TRIOBP: variants seen among roughly 807,000 people sequenced by gnomAD.
TRIOBP encodes TRIO and F-actin binding protein.
Under a neutral mutation model 238.8 loss-of-function variants are expected in TRIOBP, and 169 were observed. That is an observed-to-expected ratio of 0.71 (90% CI 0.62 to 0.80). The LOEUF (loss-of-function observed/expected upper bound fraction) is 0.80, where lower values mean the gene tolerates loss of function less well. Ranked by LOEUF, TRIOBP falls within the 30% of genes least tolerant of loss-of-function variation. The pLI is 0.00. For missense variants in TRIOBP, 2,838 were observed against 3,122.6 expected (o/e 0.91, Z 2.17); for synonymous variants, 1,150 against 1,274.4 (o/e 0.90, Z 2.08).
chr22:37,742,424 G>A (rs1271102279), intron 11 of TRIOBP, among the ~76,000 whole-genome samples: 1 of 151,848 alleles, frequency 6.6e-6, no homozygotes, highest in East Asian at 1.9e-4. Flanking sequence ...CACCACACCT[G>A]GCTAATTTTT....
rs1237658020 is a variant in TRIOBP at position 37,774,511 on chromosome 22, C to A, written c.*731C>A. On this transcript the variant is annotated 3_prime_UTR_variant, in exon 24 of 24. Transcript: ENST00000644935. ...AACTTAATAAAACGTTCCAGCAGCT[C>A]TGGTGTCCTAGATGGCTGGCAGAAC... The A allele has an allele frequency of 5.2e-5, 8 of 152,386 alleles. No individual in the cohort carries two copies. The highest frequency in any genetic ancestry group is 1.9e-4 in the African/African-American group (8 of 41,578). 9.4% of individuals were successfully genotyped at this position (152,386 alleles called of 1,614,324 possible).
intron 6 of TRIOBP, among the ~76,000 whole-genome samples, chr22:37,716,845 A>G (rs1923546977): frequency 6.6e-6 from 1 of 152,222 alleles, no homozygotes; most frequent in Non-Finnish European, 1.5e-5. Context: ...GAAGGATGAG[A>G]AACCAGTTAA....
At chr22:37,718,202 G>T (rs1302604540) in intron 6 of TRIOBP, among the ~76,000 whole-genome samples, 1 of 152,192 alleles carries the variant, frequency 6.6e-6, no homozygotes, top group African/African-American at 2.4e-5. Context: ...GCGCAGCCTC[G>T]GTTCCCGCTC....
At chr22:37,719,994 C>CCT (rs1189583046) in intron 6 of TRIOBP, among the ~76,000 whole-genome samples, 1 of 12,668 alleles carries the variant, frequency 7.9e-5, no homozygotes, top group African/African-American at 1.3e-4. Flanking sequence ...CTCATCCCCC[C>CCT]CCGCCCTTTT....
At chr22:37,759,323 C>G (rs545805647) in intron 17 of TRIOBP, 59 bp downstream of exon 17, 4 of 1,536,502 alleles carry the variant, frequency 2.6e-6, no homozygotes, top group African/African-American at 2.7e-5. Flanking sequence ...GCCGTGTTAT[C>G]AGGAAACAGC....
chr22:37,756,305 T>C (rs773700370), intron 15 of TRIOBP, among the ~76,000 whole-genome samples: 2 of 151,996 alleles, frequency 1.3e-5, no homozygotes, highest in South Asian at 4.2e-4. Context: ...TACAAAAAAT[T>C]TAAAAATCAG....
At chr22:37,746,343 G>A in intron 11 of TRIOBP, 1 of 1,170,510 alleles carries the variant, frequency 8.5e-7, no homozygotes, top group Non-Finnish European at 1.1e-6. Context: ...CGGGGTTCCC[G>A]CGCCGCGGAG....
At chr22:37,704,563 A>C (rs1310852081) in intron 3 of TRIOBP, among the ~76,000 whole-genome samples, 1 of 152,058 alleles carries the variant, frequency 6.6e-6, no homozygotes, top group Admixed American at 6.6e-5. Context: ...CTAGCAAGAG[A>C]AATGCACATG....
Position 37,734,434 on chromosome 22 carries a change from C to G in TRIOBP, c.4098C>G (p.Thr1366=). 1 of 1,613,234 alleles carries G rather than the reference C, an allele frequency of 6.2e-7. No homozygotes were observed. The highest frequency in any genetic ancestry group is 8.5e-7 in the Non-Finnish European group (1 of 1,179,938). Residue 1366 remains threonine (T), a synonymous_variant, in exon 9 of 24, where the codon ACC becomes ACG. Coordinates refer to ENST00000644935, the MANE Select transcript of TRIOBP (RefSeq NM_001039141.3). ...TMLPAKQAEL[T]RRSQAEPPHP... ...TCCCTGCCAAACAGGCAGAACTGAC[C>G]CGGCGGAGCCAAGCAGAGCCCCCTC...
In TRIOBP at chr22:37,723,686, A is replaced by G; in HGVS notation, c.1130A>G (p.Asn377Ser). 2 of 1,613,540 alleles carry G rather than the reference A, an allele frequency of 1.2e-6. No homozygotes were observed. Among genetic ancestry groups the G allele is most frequent in the Non-Finnish European group, 1.7e-6 (2 of 1,179,862 alleles). Reference sequence around the variant, plus strand: ...CCTACTTGTACTCCCCAGCGGGAAAACCCCAGGACACCCTGTGTCCAGCAG... The same window carrying G: ...CCTACTTGTACTCCCCAGCGGGAAAGCCCCAGGACACCCTGTGTCCAGCAG... The part of the protein sequence containing the change: ...SFPTCTPQRE[N>S]PRTPCVQQDD... The change falls in exon 7 of 24, where the codon AAC becomes AGC. Residue 377 changes from asparagine to serine, a missense_variant. Physicochemically the swap from Asn to Ser is conservative, Grantham distance 46. Around this residue, in one of 5 missense-constraint regions of TRIOBP, gnomAD observed 535 missense variants for 537.3 expected, o/e 1.00. Coordinates refer to ENST00000644935, the MANE Select transcript of TRIOBP (RefSeq NM_001039141.3).
At chr22:37,702,547 G>C (rs573415704) in intron 3 of TRIOBP, among the ~76,000 whole-genome samples, 127 of 151,230 alleles carry the variant, frequency 8.4e-4, no homozygotes, top group Admixed American at 2.3e-3. Flanking sequence ...GCATCCTGCT[G>C]TCTCTTTGTC....
intron 4 of TRIOBP, 77 bp from the exon 5 acceptor site, chr22:37,713,129 TGTGA>T: frequency 7.7e-7 from 1 of 1,304,216 alleles, no homozygotes. Context: ...AGGCTCCCTG[TGTGA>T]GTGAGTGCAT....
At chr22:37,773,023 C>G (rs1419928266) in intron 23 of TRIOBP, among the ~76,000 whole-genome samples, 1 of 152,220 alleles carries the variant, frequency 6.6e-6, no homozygotes, top group Non-Finnish European at 1.5e-5. Context: ...ACTCAGTGCA[C>G]CCCCCTTCTT....
In TRIOBP at chr22:37,725,275, G is replaced by A. The variant is rs1440398869; in HGVS notation, c.2719G>A (p.Ala907Thr). Residue 907 changes from alanine (A) to threonine (T), a missense_variant, in exon 7 of 24, where the codon GCC (alanine) becomes ACC (threonine). Coordinates refer to ENST00000644935, the MANE Select transcript of TRIOBP (RefSeq NM_001039141.3). ...PHRTNKDIPW[A>T]SFPLRPTQSD... ...TCGTACTAACAAAGACATCCCCTGG[G>A]CCTCGTTTCCCCTCCGGCCAACTCA... The A allele has an allele frequency of 6.2e-7, 1 of 1,613,804 alleles. No individual in the cohort carries two copies.
rs1166883465 is a variant in TRIOBP, at chr22:37,734,751, C to T, written c.4415C>T (p.Ala1472Val). The T allele has an allele frequency of 5.6e-6, 9 of 1,611,266 alleles. No homozygotes were observed. Among genetic ancestry groups the T allele is most frequent in the Non-Finnish European group, 6.8e-6 (8 of 1,179,310 alleles). The change falls in exon 9 of 24, where the codon GCC (alanine) becomes GTC (valine). Residue 1472 changes from alanine (A) to valine (V), a missense_variant. Ala to Val is a moderately conservative substitution (Grantham distance 64, BLOSUM62 0). This residue lies in a region of TRIOBP where 2,096 missense variants were observed against 2,137.4 expected (regional missense o/e 0.98). Transcript: ENST00000644935. ...CGEPSLGAAK[A>V]PEGAWGGTSR... ...GAGCCCAGCCTGGGGGCAGCCAAAGCCCCGGAGGGAGCATGGGGGGGCACT... is the reference window on the plus strand; with the variant it reads ...GAGCCCAGCCTGGGGGCAGCCAAAGTCCCGGAGGGAGCATGGGGGGGCACT...
At chr22:37,721,936 T>C (rs5750482) in intron 6 of TRIOBP, among the ~76,000 whole-genome samples, 83,997 of 152,058 alleles carry the variant, frequency 0.55, 23,992 homozygotes, top group East Asian at 0.69. Context: ...AACTCTGTCA[T>C]GAGGCTAGGA....
chr22:37,737,143 G>A (rs530552324), intron 9 of TRIOBP, among the ~76,000 whole-genome samples: 5 of 152,198 alleles, frequency 3.3e-5, no homozygotes, highest in Non-Finnish European at 1.5e-5. Context: ...AGGAGGACAC[G>A]GTGCTGTGTC....
Position 37,758,035 on chromosome 22 carries a change from C to T in TRIOBP, c.6110C>T (p.Pro2037Leu), listed in dbSNP as rs1926035907. 1 of 1,611,684 alleles carries T rather than the reference C, an allele frequency of 6.2e-7. No homozygotes were observed. Among genetic ancestry groups the T allele is most frequent in the Non-Finnish European group, 8.5e-7 (1 of 1,179,566 alleles). ...EKKWQELEKL[P>L]LRENKRVPLT... The stretch of plus-strand genomic sequence containing the variant: ...AAGTGGCAGGAGCTGGAGAAGCTGC[C>T]CCTGCGGGAGAATAAGCGGGTGCCC... Residue 2037 changes from proline (P) to leucine (L), a missense_variant, in exon 16 of 24, where the codon CCC becomes CTC. Transcript: ENST00000644935.
At position 37,715,819 on chromosome 22, in the gene TRIOBP, A is replaced by G; in HGVS notation, c.513A>G (p.Ala171=). Residue 171 remains alanine (A), a synonymous_variant, in exon 6 of 24, where the codon GCA becomes GCG. Coordinates refer to ENST00000644935, the MANE Select transcript of TRIOBP (RefSeq NM_001039141.3). ...EEEAPSWDEL[A]VMIPRRPREG... Reference sequence around the variant, plus strand: ...AGGCCCCCAGCTGGGACGAGCTCGCAGTGATGATCCCGAGGAGGCCTCGGG... The same window carrying G: ...AGGCCCCCAGCTGGGACGAGCTCGCGGTGATGATCCCGAGGAGGCCTCGGG... 6.2e-7 allele frequency: 1 copy of G among 1,614,106 alleles called. No homozygotes were observed. The highest frequency in any genetic ancestry group is 8.5e-7 in the Non-Finnish European group (1 of 1,180,004).
Sources: gnomAD v4.1 joint callset for allele counts (sites outside exome capture counted in the v4.1 genomes callset) on GRCh38, gnomAD v4.1.1 for gene constraint, gnomAD v4.1.1 regional missense constraint, MANE v1.5 for transcripts, NCBI Gene and HGNC (gene_info 2026-07-23, HGNC 2026-07-21) for gene names.